Variants in ZBTB7C observed in about 807,000 individuals in gnomAD.
ZBTB7C encodes zinc finger and BTB domain containing 7C.
Under a neutral mutation model 25.7 loss-of-function variants are expected in ZBTB7C, and 8 were observed. The ratio of observed to expected loss-of-function variants is 0.31; its 90% CI spans 0.18 to 0.56. The LOEUF (loss-of-function observed/expected upper bound fraction) is 0.56. ZBTB7C is among the 20% of genes least tolerant of loss of function. The pLI is 0.91. For missense variants in ZBTB7C, 824 were observed against 855.2 expected (o/e 0.96, Z 0.46); for synonymous variants, 394 against 369.0 (o/e 1.07, Z -0.78).
intron 1 of ZBTB7C, among the ~76,000 whole-genome samples, chr18:48,405,280 G>C (rs1255993259): frequency 1.3e-5 from 2 of 152,080 alleles, no homozygotes; most frequent in Non-Finnish European, 2.9e-5. Flanking sequence ...ATTTGGGGCA[G>C]AGTCAGGGGA....
intron 1 of ZBTB7C, among the ~76,000 whole-genome samples, chr18:48,396,973 AT>A (rs2048042366): frequency 6.6e-6 from 1 of 152,160 alleles, no homozygotes; most frequent in African/African-American, 2.4e-5. Flanking sequence ...TGTTTGTTAC[AT>A]TTTTACAACA....
chr18:48,177,024 G>A (rs1191503850), intron 3 of ZBTB7C, among the ~76,000 whole-genome samples: 1 of 152,240 alleles, frequency 6.6e-6, no homozygotes, highest in East Asian at 1.9e-4. Flanking sequence ...CAAGAACTTG[G>A]CCCAGGCCCC....
At chr18:48,140,783 C>T (rs1362744566) in intron 3 of ZBTB7C, among the ~76,000 whole-genome samples, 1 of 152,114 alleles carries the variant, frequency 6.6e-6, no homozygotes, top group Non-Finnish European at 1.5e-5. Context: ...GCCTCCCTGT[C>T]CTTCCTGGCC....
chr18:48,247,303 G>C (rs1246381822), intron 2 of ZBTB7C, among the ~76,000 whole-genome samples: 5 of 151,952 alleles, frequency 3.3e-5, no homozygotes, highest in African/African-American at 4.8e-5. Context: ...ACATTGTCTG[G>C]AAAGTTTTTA....
chr18:48,038,638 C>T (rs2036079934), intron 4 of ZBTB7C, among the ~76,000 whole-genome samples: 1 of 151,164 alleles, frequency 6.6e-6, no homozygotes, highest in Admixed American at 6.6e-5. Flanking sequence ...TGGGCCAAAG[C>T]TTTGGGCCCA....
At chr18:48,332,406 TG>T (rs753729555) in intron 2 of ZBTB7C, among the ~76,000 whole-genome samples, 90 of 152,328 alleles carry the variant, frequency 5.9e-4, no homozygotes, top group South Asian at 1.2e-3. Flanking sequence ...CCCTTTCACA[TG>T]GCAGCTGGCT....
At chr18:48,156,842 G>A (rs2040854484) in intron 3 of ZBTB7C, among the ~76,000 whole-genome samples, 1 of 151,540 alleles carries the variant, frequency 6.6e-6, no homozygotes, top group African/African-American at 2.4e-5. Flanking sequence ...TTCCCCGAGA[G>A]CGAGTGATGT....
intron 1 of ZBTB7C, among the ~76,000 whole-genome samples, chr18:48,395,686 G>A (rs1020020028): frequency 6.6e-6 from 1 of 152,182 alleles, no homozygotes; most frequent in Non-Finnish European, 1.5e-5. Context: ...TGGGGGCAGA[G>A]TCCCCATACA....
chr18:48,325,045 C>T (rs906688267), intron 2 of ZBTB7C, among the ~76,000 whole-genome samples: 2 of 152,116 alleles, frequency 1.3e-5, no homozygotes, highest in African/African-American at 2.4e-5. Flanking sequence ...TCGGGAGCTC[C>T]CTTTGGCCAC....
intron 3 of ZBTB7C, among the ~76,000 whole-genome samples, chr18:48,052,341 A>G (rs1377938795): frequency 3.9e-5 from 6 of 152,160 alleles, no homozygotes; most frequent in Non-Finnish European, 7.3e-5. Context: ...CTAGTTATTG[A>G]AGAGGTTGTG....
At chr18:48,030,439 A>G (rs1350898156) in intron 4 of ZBTB7C, among the ~76,000 whole-genome samples, 2 of 152,204 alleles carry the variant, frequency 1.3e-5, no homozygotes, top group Non-Finnish European at 2.9e-5. Flanking sequence ...CTGGGAGGCT[A>G]TAGAAGCTTG....
chr18:48,055,847 A>G (rs942347886), intron 3 of ZBTB7C, among the ~76,000 whole-genome samples: 5 of 152,242 alleles, frequency 3.3e-5, no homozygotes, highest in Admixed American at 2.6e-4. Flanking sequence ...ATAAATTTAC[A>G]GTGAAAATAT....
intron 2 of ZBTB7C, among the ~76,000 whole-genome samples, chr18:48,278,455 T>G (rs917601095): frequency 6.6e-6 from 1 of 151,902 alleles, no homozygotes; most frequent in African/African-American, 2.4e-5. Flanking sequence ...TTTTTTTTTT[T>G]GAGACAGTCT....
At chr18:48,147,081 A>G (rs2040516922) in intron 3 of ZBTB7C, among the ~76,000 whole-genome samples, 1 of 152,024 alleles carries the variant, frequency 6.6e-6, no homozygotes, top group South Asian at 2.1e-4. Context: ...TATTTTTATT[A>G]ATTTATTGTT....
chr18:48,340,429 A>C (rs1240820654), intron 1 of ZBTB7C, among the ~76,000 whole-genome samples: 1 of 152,156 alleles, frequency 6.6e-6, no homozygotes, highest in Non-Finnish European at 1.5e-5. Context: ...AAGAGCAGAA[A>C]ATCTGCCCCT....
At chr18:48,042,366 C>T (rs2036287033) in intron 3 of ZBTB7C, among the ~76,000 whole-genome samples, 1 of 152,216 alleles carries the variant, frequency 6.6e-6, no homozygotes, top group South Asian at 2.1e-4. Context: ...AGCAAAGCTT[C>T]AACATGGCTC....
intron 3 of ZBTB7C, among the ~76,000 whole-genome samples, chr18:48,184,097 A>G (rs1357576863): frequency 1.3e-5 from 2 of 152,150 alleles, no homozygotes; most frequent in South Asian, 4.1e-4. Context: ...CAGGAGTTGG[A>G]AGCACACGTG....
chr18:48,197,124 G>C (rs761231688), intron 2 of ZBTB7C, among the ~76,000 whole-genome samples: 2 of 152,160 alleles, frequency 1.3e-5, no homozygotes, highest in Non-Finnish European at 2.9e-5. Context: ...AGATGTGGAA[G>C]GTGCATGCAA....
At chr18:48,038,511 C>A (rs1006361058) in intron 4 of ZBTB7C, among the ~76,000 whole-genome samples, 1 of 151,964 alleles carries the variant, frequency 6.6e-6, no homozygotes, top group African/African-American at 2.4e-5. Flanking sequence ...TCCAAGCAAC[C>A]CAGAAGAACA....
Sources: gnomAD v4.1 joint callset for allele counts (sites outside exome capture counted in the v4.1 genomes callset) on GRCh38, gnomAD v4.1.1 for gene constraint, MANE v1.5 for transcripts, NCBI Gene and HGNC (gene_info 2026-07-23, HGNC 2026-07-21) for gene names.